Variants in PVT1 observed in about 807,000 individuals in gnomAD.
PVT1 encodes the protein Pvt1 oncogene, also known as CXCR4/PVT1 fusion.
chr8:127,924,713 G>A (rs1042577642), intron 3 of PVT1, among the ~76,000 whole-genome samples: 3 of 151,984 alleles, frequency 2.0e-5, no homozygotes, highest in Admixed American at 6.6e-5. Context: ...GGGTTTCGCC[G>A]TGTTAGCCAG....
At chr8:127,924,870 A>G (rs916836661) in intron 3 of PVT1, among the ~76,000 whole-genome samples, 1 of 148,302 alleles carries the variant, frequency 6.7e-6, no homozygotes, top group East Asian at 2.0e-4. Flanking sequence ...CTGGTCTTGA[A>G]CTCCTGGCCT....
intron 3 of PVT1, among the ~76,000 whole-genome samples, chr8:127,980,888 C>G (rs886708931): frequency 6.6e-6 from 1 of 151,490 alleles, no homozygotes; most frequent in Non-Finnish European, 1.5e-5. Flanking sequence ...ATTTTCACCC[C>G]CTGGGTTCAA....
At chr8:128,088,594 C>T (rs751248980) in intron 5 of PVT1, among the ~76,000 whole-genome samples, 1 of 152,236 alleles carries the variant, frequency 6.6e-6, no homozygotes, top group Non-Finnish European at 1.5e-5. Context: ...AGAGTAGATG[C>T]TGTGCACGAC....
At chr8:128,074,739 C>G (rs1043106517) in intron 5 of PVT1, among the ~76,000 whole-genome samples, 5 of 152,192 alleles carry the variant, frequency 3.3e-5, no homozygotes, top group African/African-American at 4.8e-5. Context: ...GCGGTTGCTA[C>G]AAGGAGATAT....
chr8:127,873,260 T>A (rs913000954), intron 2 of PVT1, among the ~76,000 whole-genome samples: 8 of 152,214 alleles, frequency 5.3e-5, no homozygotes, highest in African/African-American at 1.9e-4. Context: ...GACACACACC[T>A]GATTTACCTT....
chr8:127,963,772 G>T (rs558960028), intron 3 of PVT1, among the ~76,000 whole-genome samples: 75 of 152,300 alleles, frequency 4.9e-4, no homozygotes, highest in South Asian at 1.2e-3. Flanking sequence ...CCCAGGTGGG[G>T]TTGGAATGGA....
At chr8:127,991,136 C>CTTTTTT (rs1471313507) in intron 4 of PVT1, among the ~76,000 whole-genome samples, 2 of 136,390 alleles carry the variant, frequency 1.5e-5, no homozygotes, top group Admixed American at 7.3e-5. Context: ...TTTTTCTTTT[C>CTTTTTT]TTTCTTTTTT....
intron 2 of PVT1, among the ~76,000 whole-genome samples, chr8:127,826,994 C>CTTTTTTTTTTTTTTTTTT (rs5894901): frequency 8.8e-6 from 1 of 113,958 alleles, no homozygotes; most frequent in African/African-American, 3.5e-5. Context: ...TTCTTTTTCT[C>CTTTTTTTTTTTTTTTTTT]TTTTTTTTTT....
At chr8:127,912,702 C>CTT (rs112470427) in intron 3 of PVT1, among the ~76,000 whole-genome samples, 3 of 144,634 alleles carry the variant, frequency 2.1e-5, no homozygotes, top group African/African-American at 2.5e-5. Flanking sequence ...TCCCTCCCTT[C>CTT]TTTTTTTTTT....
chr8:128,081,922 C>G (rs1231575853), intron 5 of PVT1, among the ~76,000 whole-genome samples: 1 of 152,184 alleles, frequency 6.6e-6, no homozygotes, highest in Non-Finnish European at 1.5e-5. Flanking sequence ...TCAAGCAAGA[C>G]AAGCTGGAAG....
intron 3 of PVT1, among the ~76,000 whole-genome samples, chr8:127,946,408 A>G (rs1394664248): frequency 4.6e-5 from 7 of 152,216 alleles, no homozygotes. Flanking sequence ...CCATCTTTCA[A>G]ATGTTTCCAA....
intron 2 of PVT1, among the ~76,000 whole-genome samples, chr8:127,856,621 G>A (rs148688129): frequency 8.5e-4 from 129 of 152,242 alleles, no homozygotes; most frequent in African/African-American, 2.9e-3. Flanking sequence ...GATTACAGGC[G>A]TGAGCTACCA....
chr8:128,024,588 CTGCACT>C (rs1817472714), intron 4 of PVT1, among the ~76,000 whole-genome samples: 1 of 152,100 alleles, frequency 6.6e-6, no homozygotes, highest in Non-Finnish European at 1.5e-5. Context: ...GATTGTGTCA[CTGCACT>C]CCAGCCTGGG....
At chr8:127,956,159 A>G (rs1340460414) in intron 3 of PVT1, among the ~76,000 whole-genome samples, 1 of 152,250 alleles carries the variant, frequency 6.6e-6, no homozygotes, top group Non-Finnish European at 1.5e-5. Context: ...GCTCAAGGGG[A>G]AGAGCCTTGG....
chr8:127,891,774 T>TGGACAGTTGATTA (rs1815605361), intron 3 of PVT1, among the ~76,000 whole-genome samples: 1 of 152,116 alleles, frequency 6.6e-6, no homozygotes, highest in Non-Finnish European at 1.5e-5. Context: ...CTGGTTGGCG[T>TGGACAGTTGATTA]GGACAGTTGA....
rs111610671 is a variant in PVT1 at position 127,849,704 on chromosome 8, T to C, written n.373-40885T>C. On this transcript the variant is annotated intron_variant and non_coding_transcript_variant, in intron 2 of 10. Transcript: ENST00000651587. ...CACAGCCTGTACATATGTGTGTGTG[T>C]GCCCCTGCGTGCACGTGCGTGGGTG... Among the ~76,000 whole-genome samples, 907 of 129,250 alleles carry C rather than the reference T, an allele frequency of 7.0e-3. 12 individuals carry two copies. The highest frequency in any genetic ancestry group is 0.018 in the South Asian group (68 of 3,766). The allele number at this position is 129,250 out of a possible 152,430, so 84.8% of individuals were successfully genotyped here.
chr8:127,957,624 G>A (rs1816587323), intron 3 of PVT1, among the ~76,000 whole-genome samples: 1 of 152,010 alleles, frequency 6.6e-6, no homozygotes. Context: ...CAGGCCATGG[G>A]GGACATGGTC....
At chr8:127,915,944 A>G (rs891878981) in intron 3 of PVT1, among the ~76,000 whole-genome samples, 4 of 152,246 alleles carry the variant, frequency 2.6e-5, no homozygotes, top group Admixed American at 1.3e-4. Context: ...TTTTCATGCA[A>G]CCTTGCCCTG....
chr8:128,057,620 C>G (rs1380419003), intron 4 of PVT1, among the ~76,000 whole-genome samples: 1 of 152,204 alleles, frequency 6.6e-6, no homozygotes, highest in Non-Finnish European at 1.5e-5. Flanking sequence ...GCACGGTGAC[C>G]TAGAATCCCA....
Sources: gnomAD v4.1 joint callset for allele counts (sites outside exome capture counted in the v4.1 genomes callset) on GRCh38, gnomAD v4.1.1 for gene constraint, MANE v1.5 for transcripts, NCBI Gene and HGNC (gene_info 2026-07-23, HGNC 2026-07-21) for gene names.